The following ATXN1 variants were observed in gnomAD, a reference collection of about 807,000 sequenced individuals.
The protein encoded by ATXN1 is ataxin 1.
A neutral mutation model predicts 56.4 loss-of-function variants in ATXN1; 8 were observed. That is an observed-to-expected ratio of 0.14 (90% CI 0.08 to 0.26). The LOEUF (loss-of-function observed/expected upper bound fraction) is 0.26, where lower values mean the gene tolerates loss of function less well. Ranked by LOEUF, ATXN1 falls within the 10% of genes least tolerant of loss-of-function variation. ATXN1 has a pLI of 1.00. For synonymous variants in ATXN1, 514 were observed against 494.6 expected, an observed-to-expected ratio of 1.04 and a Z score of -0.52; for missense variants, 987 against 1,106.5, an observed-to-expected ratio of 0.89 and a Z score of 1.53.
chr6:16,610,022 T>C (rs185821046), intron 3 of ATXN1, among the ~76,000 whole-genome samples: 12 of 152,220 alleles, frequency 7.9e-5, no homozygotes, highest in Admixed American at 1.3e-4. Flanking sequence ...AAAACAGCCT[T>C]TGGAGCATCA....
intron 7 of ATXN1, among the ~76,000 whole-genome samples, chr6:16,323,655 G>A (rs1760735703): frequency 1.3e-5 from 2 of 151,702 alleles, no homozygotes; most frequent in Admixed American, 1.3e-4. Flanking sequence ...ATGCTGGCCG[G>A]CAAGGAACCA....
chr6:16,612,816 G>A (rs926718713), intron 3 of ATXN1, among the ~76,000 whole-genome samples: 13 of 151,212 alleles, frequency 8.6e-5, no homozygotes, highest in East Asian at 3.9e-4. Context: ...ACTTGAACCC[G>A]TAAGGTGGAG....
chr6:16,473,312 G>A (rs984129030), intron 6 of ATXN1, among the ~76,000 whole-genome samples: 21 of 152,210 alleles, frequency 1.4e-4, no homozygotes, highest in South Asian at 4.1e-4. Context: ...GTCCCCAAAC[G>A]TACCGGTGAA....
Position 16,759,528 on chromosome 6 carries a change from C to CCGTTT in ATXN1, c.-730+1769_-730+1770insAAACG, listed in dbSNP as rs1561842989. Among the ~76,000 whole-genome samples the CCGTTT allele has an allele frequency of 2.8e-4, 18 of 64,472 alleles. No individual in the cohort carries two copies. In the East Asian group the frequency reaches 3.4e-3, roughly 12 times the overall value. 42.3% of individuals were successfully genotyped at this position (64,472 alleles called of 152,430 possible). On this transcript the variant is annotated intron_variant, in intron 1 of 7. Coordinates refer to ENST00000436367, the MANE Select transcript of ATXN1 (RefSeq NM_001128164.2). ...GCATTATATAACCAGCTTCTTCCGA[C>CCGTTT]TGTTTTTTTTTTTTTTTTTTTTTTT... is the stretch of plus-strand genomic sequence containing the variant.
At chr6:16,411,338 T>C (rs911075860) in intron 6 of ATXN1, among the ~76,000 whole-genome samples, 3 of 152,104 alleles carry the variant, frequency 2.0e-5, no homozygotes, top group Non-Finnish European at 4.4e-5. Context: ...TACTACCTCA[T>C]ATGACTTTAA....
At chr6:16,602,729 C>T (rs1581875720) in intron 3 of ATXN1, among the ~76,000 whole-genome samples, 1 of 152,268 alleles carries the variant, frequency 6.6e-6, no homozygotes, top group Non-Finnish European at 1.5e-5. Context: ...AGATTACAGG[C>T]GTGAGCCACT....
At chr6:16,611,263 G>A (rs750616641) in intron 3 of ATXN1, among the ~76,000 whole-genome samples, 1 of 152,116 alleles carries the variant, frequency 6.6e-6, no homozygotes, top group Non-Finnish European at 1.5e-5. Context: ...AGGAGGTATG[G>A]TCAGCCAGCT....
At chr6:16,633,143 T>C (rs1561787021) in intron 3 of ATXN1, among the ~76,000 whole-genome samples, 2 of 152,328 alleles carry the variant, frequency 1.3e-5, no homozygotes, top group South Asian at 2.1e-4. Context: ...CTGTTATTGA[T>C]ATATGGTCAT....
chr6:16,570,329 G>C (rs2113749534), intron 4 of ATXN1, among the ~76,000 whole-genome samples: 1 of 152,318 alleles, frequency 6.6e-6, no homozygotes, highest in African/African-American at 2.4e-5. Context: ...CTGAAGAAGT[G>C]AATGTGTTGA....
At chr6:16,705,827 C>G (rs1460948405) in intron 2 of ATXN1, among the ~76,000 whole-genome samples, 1 of 152,184 alleles carries the variant, frequency 6.6e-6, no homozygotes, top group East Asian at 1.9e-4. Context: ...TCTCTGGTCT[C>G]CTTGCCCACC....
chr6:16,702,771 C>T (rs1008954375), intron 2 of ATXN1, among the ~76,000 whole-genome samples: 2 of 152,184 alleles, frequency 1.3e-5, no homozygotes, highest in African/African-American at 4.8e-5. Flanking sequence ...CAAATCAAAA[C>T]CACAATGACA....
At chr6:16,652,698 G>C (rs969604134) in intron 3 of ATXN1, among the ~76,000 whole-genome samples, 1 of 152,062 alleles carries the variant, frequency 6.6e-6, no homozygotes, top group Non-Finnish European at 1.5e-5. Flanking sequence ...AACAGCCCTC[G>C]CTCCCATCAG....
At chr6:16,310,095 A>C (rs1056838238) in intron 7 of ATXN1, among the ~76,000 whole-genome samples, 13 of 152,086 alleles carry the variant, frequency 8.5e-5, no homozygotes, top group African/African-American at 2.9e-4. Context: ...TCTAGAACAA[A>C]ATACATATTA....
chr6:16,742,515 G>A (rs1430328089), intron 2 of ATXN1, among the ~76,000 whole-genome samples: 1 of 152,182 alleles, frequency 6.6e-6, no homozygotes, highest in African/African-American at 2.4e-5. Context: ...GCGGTCAAAG[G>A]ACCCAGGGCT....
At chr6:16,405,681 C>T (rs1758671526) in intron 6 of ATXN1, among the ~76,000 whole-genome samples, 1 of 152,228 alleles carries the variant, frequency 6.6e-6, no homozygotes, top group South Asian at 2.1e-4. Context: ...CTGTGGTTGG[C>T]TGGAGGAGTC....
intron 3 of ATXN1, among the ~76,000 whole-genome samples, chr6:16,654,322 G>C (rs922595771): frequency 2.0e-5 from 3 of 152,118 alleles, no homozygotes; most frequent in Admixed American, 6.6e-5. Flanking sequence ...AAGGCAGATG[G>C]ATCATGAGAT....
At chr6:16,701,566 G>A (rs1759284370) in intron 2 of ATXN1, among the ~76,000 whole-genome samples, 1 of 152,208 alleles carries the variant, frequency 6.6e-6, no homozygotes, top group South Asian at 2.1e-4. Context: ...CAGATGACAT[G>A]ATCATATATC....
chr6:16,322,273 A>T (rs971947359), intron 7 of ATXN1, among the ~76,000 whole-genome samples: 2 of 152,030 alleles, frequency 1.3e-5, no homozygotes, highest in Non-Finnish European at 2.9e-5. Flanking sequence ...AACAAAACTC[A>T]TTTGCCTGGT....
At chr6:16,606,276 T>TAG (rs1763003283) in intron 3 of ATXN1, among the ~76,000 whole-genome samples, 3 of 152,210 alleles carry the variant, frequency 2.0e-5, no homozygotes, top group Non-Finnish European at 4.4e-5. Context: ...AATATTTCTT[T>TAG]ACTATGTCTC....
Sources: gnomAD v4.1 joint callset for allele counts (sites outside exome capture counted in the v4.1 genomes callset) on GRCh38, gnomAD v4.1.1 for gene constraint, MANE v1.5 for transcripts, NCBI Gene and HGNC (gene_info 2026-07-23, HGNC 2026-07-21) for gene names.